LRFN5: variants seen among roughly 807,000 people sequenced by gnomAD.
The protein encoded by LRFN5 is leucine rich repeat and fibronectin type III domain containing 5, also known as leucine-rich repeat and fibronectin type-III domain-containing protein 5.
A neutral mutation model predicts 45.6 loss-of-function variants in LRFN5; 24 were observed. The observed-to-expected ratio is 0.53, with a 90% CI of 0.38 to 0.74. LRFN5 has a LOEUF of 0.74. Among genes scored for constraint, LRFN5 ranks in the 30% least tolerant of loss-of-function variants. The pLI is 0.00. For synonymous variants in LRFN5, 340 were observed against 313.8 expected (o/e 1.08, Z -0.88); for missense variants, 776 against 861.5 (o/e 0.90, Z 1.24).
chr14:41,821,998 G>A (rs1336345310), intron 2 of LRFN5, among the ~76,000 whole-genome samples: 1 of 151,846 alleles, frequency 6.6e-6, no homozygotes, highest in African/African-American at 2.4e-5. Flanking sequence ...TGTTGTATAA[G>A]TTGTAATGTC....
At chr14:41,732,456 A>G (rs1884220849) in intron 1 of LRFN5, among the ~76,000 whole-genome samples, 1 of 152,306 alleles carries the variant, frequency 6.6e-6, no homozygotes, top group South Asian at 2.1e-4. Flanking sequence ...TTAAAAATAC[A>G]TATATTAGGT....
At chr14:41,869,440 TA>T (rs374451245) in intron 2 of LRFN5, among the ~76,000 whole-genome samples, 10 of 151,420 alleles carry the variant, frequency 6.6e-5, no homozygotes, top group African/African-American at 2.2e-4. Flanking sequence ...TTTTTTTTTT[TA>T]AAAAAAGGTT....
rs114236105 is a variant in LRFN5, at chr14:41,779,429, G to A, written c.-21+12400G>A. Reference sequence around the variant, plus strand: ...TGTTAAAGAGAGCAGTTGGTCTATAGATTTCCATTCTTGTAATGTCTTTTA... The same window carrying A: ...TGTTAAAGAGAGCAGTTGGTCTATAAATTTCCATTCTTGTAATGTCTTTTA... On this transcript the variant is annotated intron_variant, in intron 2 of 5. Transcript: ENST00000298119. 1.0e-3 allele frequency among the ~76,000 whole-genome samples: 156 copies of A among 151,916 alleles called. 1 individual carries two copies. The highest frequency in any genetic ancestry group is 3.5e-3 in the African/African-American group (146 of 41,536).
chr14:41,692,014 C>CT (rs1377966471), intron 1 of LRFN5, among the ~76,000 whole-genome samples: 1 of 152,016 alleles, frequency 6.6e-6, no homozygotes, highest in East Asian at 1.9e-4. Flanking sequence ...AGAAAGGCTT[C>CT]TTGTGGGTAA....
chr14:41,903,103 T>G (rs1426230864), intron 5 of LRFN5, among the ~76,000 whole-genome samples: 1 of 151,622 alleles, frequency 6.6e-6, no homozygotes, highest in African/African-American at 2.4e-5. Flanking sequence ...CTTTCCAAAA[T>G]TATTATTTTT....
intron 1 of LRFN5, among the ~76,000 whole-genome samples, chr14:41,692,581 A>G (rs184804787): frequency 1.3e-5 from 2 of 152,046 alleles, no homozygotes; most frequent in Admixed American, 1.3e-4. Context: ...CCACACCACA[A>G]CAGGCCCCAG....
chr14:41,899,080 T>A (rs1411102437), intron 5 of LRFN5, 120 bp downstream of exon 5: 2 of 765,636 alleles, frequency 2.6e-6, no homozygotes, highest in African/African-American at 3.7e-5. Flanking sequence ...TCTTTTAAAA[T>A]TTACTTATAA....
At chr14:41,896,853 G>T (rs992622956) in intron 4 of LRFN5, among the ~76,000 whole-genome samples, 2 of 152,000 alleles carry the variant, frequency 1.3e-5, no homozygotes, top group South Asian at 4.1e-4. Context: ...AGCACTTTGG[G>T]ATGCCAAGGC....
chr14:41,846,208 T>TACACAG (rs1555326076), intron 2 of LRFN5, among the ~76,000 whole-genome samples: 1 of 82,386 alleles, frequency 1.2e-5, no homozygotes, highest in African/African-American at 5.7e-5. Context: ...TGTATATGTT[T>TACACAG]ACACAGACAC....
chr14:41,615,220 T>C (rs1435686364), intron 1 of LRFN5, among the ~76,000 whole-genome samples: 1 of 152,130 alleles, frequency 6.6e-6, no homozygotes, highest in Non-Finnish European at 1.5e-5. Context: ...CCCAAATCAC[T>C]CCAACTAAAA....
chr14:41,695,913 C>G lies in LRFN5; in HGVS notation c.-196-70941C>G, dbSNP rs557275987. Among the ~76,000 whole-genome samples the G allele has an allele frequency of 2.6e-5, 4 of 151,998 alleles. No homozygotes were observed. The South Asian group carries it at 6.2e-4, about 24-fold the overall frequency. Reference sequence around the variant, plus strand: ...AGAACTGTATTTCATAAGACTGTTGCTGCCATTGATAGTGATTTCTCTGAG... The same window carrying G: ...AGAACTGTATTTCATAAGACTGTTGGTGCCATTGATAGTGATTTCTCTGAG... On this transcript the variant is annotated intron_variant, in intron 1 of 5. Transcript: ENST00000298119.
chr14:41,799,363 A>C (rs1010454154), intron 2 of LRFN5, among the ~76,000 whole-genome samples: 1 of 152,032 alleles, frequency 6.6e-6, no homozygotes, highest in Non-Finnish European at 1.5e-5. Flanking sequence ...TTGTGTGCAC[A>C]GCAACATGTG....
chr14:41,894,637 AG>A (rs1444159782), intron 4 of LRFN5: 1 of 984,418 alleles, frequency 1.0e-6, no homozygotes, highest in East Asian at 1.1e-4. Flanking sequence ...TGCAGTGTGA[AG>A]TGACTGAAAA....
At chr14:41,721,300 G>T (rs1883702934) in intron 1 of LRFN5, among the ~76,000 whole-genome samples, 1 of 152,094 alleles carries the variant, frequency 6.6e-6, no homozygotes. Flanking sequence ...GACAGCAGAT[G>T]GATGAATCTT....
At chr14:41,823,108 G>C (rs144234444) in intron 2 of LRFN5, among the ~76,000 whole-genome samples, 4 of 151,954 alleles carry the variant, frequency 2.6e-5, no homozygotes, top group African/African-American at 9.6e-5. Flanking sequence ...CTCATCTATA[G>C]TGTAGGATTT....
At chr14:41,674,332 ACCC>A (rs1369085130) in intron 1 of LRFN5, among the ~76,000 whole-genome samples, 1 of 84,270 alleles carries the variant, frequency 1.2e-5, no homozygotes, top group African/African-American at 4.9e-5. Context: ...CGGGGGGCCG[ACCC>A]CCCCACCTCC....
intron 1 of LRFN5, among the ~76,000 whole-genome samples, chr14:41,690,922 T>C (rs1305632029): frequency 2.0e-5 from 3 of 152,092 alleles, no homozygotes; most frequent in South Asian, 2.1e-4. Context: ...CTCTTGTTTA[T>C]ATTTTTAATA....
chr14:41,871,642 T>C (rs750602417), intron 2 of LRFN5, among the ~76,000 whole-genome samples: 1 of 151,996 alleles, frequency 6.6e-6, no homozygotes, highest in African/African-American at 2.4e-5. Context: ...AAATTTCAAA[T>C]AGCACATACT....
chr14:41,820,435 C>A (rs1241779), intron 2 of LRFN5, among the ~76,000 whole-genome samples: 6 of 151,866 alleles, frequency 4.0e-5, no homozygotes, highest in Non-Finnish European at 8.8e-5. Flanking sequence ...ATATTGGCTT[C>A]ATTTCTGAGT....
Sources: gnomAD v4.1 joint callset for allele counts (sites outside exome capture counted in the v4.1 genomes callset) on GRCh38, gnomAD v4.1.1 for gene constraint, MANE v1.5 for transcripts, NCBI Gene and HGNC (gene_info 2026-07-23, HGNC 2026-07-21) for gene names.